NCAPH2: variants seen among roughly 807,000 people sequenced by gnomAD.
NCAPH2 encodes condensin-2 complex subunit H2.
NCAPH2 carries 56 observed loss-of-function variants against 88.6 expected under a neutral mutation model. That is an observed-to-expected ratio of 0.63 (90% CI 0.51 to 0.79). NCAPH2 has a LOEUF of 0.79. Ranked by LOEUF, NCAPH2 falls within the 30% of genes least tolerant of loss-of-function variation. The pLI is 0.00. For missense variants in NCAPH2, 794 were observed against 792.0 expected (o/e 1.00, Z -0.03); for synonymous variants, 378 against 313.6 (o/e 1.21, Z -2.17).
At chr22:50,513,608 A>G (rs1296847151) in intron 1 of NCAPH2, among the ~76,000 whole-genome samples, 1 of 152,256 alleles carries the variant, frequency 6.6e-6, no homozygotes. Context: ...AAAGTACAAA[A>G]AAAATTAGCC....
intron 5 of NCAPH2, 23 bp downstream of exon 5, chr22:50,517,832 T>G: frequency 6.2e-7 from 1 of 1,612,874 alleles, no homozygotes; most frequent in Non-Finnish European, 8.5e-7. Flanking sequence ...CTGGCCCCTC[T>G]TAGGCTGGGG....
At chr22:50,519,351 G>C in intron 9 of NCAPH2, 31 bp downstream of exon 9, 3 of 1,609,024 alleles carry the variant, frequency 1.9e-6, no homozygotes, top group Non-Finnish European at 2.5e-6. Flanking sequence ...TGCAGAACCT[G>C]AGCTGTGAAC....
Position 50,517,754 on chromosome 22 carries a change from AT to A in NCAPH2, c.366del (p.Asp122GlufsTer60), listed in dbSNP as rs1446695468. On this transcript the variant is annotated frameshift_variant, in exon 5 of 20. Coordinates refer to ENST00000420993, the MANE Select transcript of NCAPH2 (RefSeq NM_152299.4). LOFTEE classifies it high-confidence loss of function. ...QEAENEFLSL[D>X]DFPDSRTNVD... is the part of the protein sequence containing the mutation. ...GTCTCCCTCCAGTTCCTGTCGCTGG[AT>A]GACTTCCCTGACTCCCGGACTAACG... The A allele has an allele frequency of 6.2e-7, 1 of 1,613,970 alleles. No individual in the cohort carries two copies. The highest frequency in any genetic ancestry group is 1.7e-5 in the Admixed American group (1 of 60,024).
chr22:50,523,162 A>G lies in NCAPH2; in HGVS notation c.1673A>G (p.Gln558Arg). ...TGTCGTTCCATGCTGGCCTCCCTGC[A>G]GCTGGTGAGTAGCCTGGGATACGTG... ...EVCRSMLASL[Q>R]LANDYTVEIT... Residue 558 changes from glutamine (Q) to arginine (R), a missense_variant, in exon 19 of 20, where the codon CAG becomes CGG. Coordinates refer to ENST00000420993, the MANE Select transcript of NCAPH2 (RefSeq NM_152299.4). The G allele has an allele frequency of 6.2e-7, 1 of 1,613,618 alleles. No homozygotes were observed. Among genetic ancestry groups the G allele is most frequent in the Non-Finnish European group, 8.5e-7 (1 of 1,179,924 alleles).
intron 1 of NCAPH2, among the ~76,000 whole-genome samples, chr22:50,510,553 G>A (rs907471423): frequency 5.3e-5 from 8 of 152,002 alleles, no homozygotes; most frequent in Non-Finnish European, 4.4e-5. Context: ...TTGGCCTCCC[G>A]AGTAGCTGGG....
intron 8 of NCAPH2, 35 bp from the exon 9 acceptor site, chr22:50,519,155 C>T (rs1416755979): frequency 1.9e-6 from 3 of 1,567,576 alleles, no homozygotes; most frequent in East Asian, 4.5e-5. Flanking sequence ...TCTCGGCACT[C>T]CTTGGAGCTG....
Position 50,516,435 on chromosome 22 carries a change from T to C in NCAPH2, c.109-12T>C. Reference sequence around the variant, plus strand: ...CCTTGGATTCCCCCTGTCTTTGTGTTGTTTCTTGCAGCTGGATCAGATCTG... The same window carrying C: ...CCTTGGATTCCCCCTGTCTTTGTGTCGTTTCTTGCAGCTGGATCAGATCTG... On this transcript the variant is annotated splice_polypyrimidine_tract_variant and intron_variant, in intron 1 of 19. Transcript: ENST00000420993. 6.2e-7 allele frequency: 1 copy of C among 1,613,716 alleles called. No homozygotes were observed.
Position 50,516,538 on chromosome 22 carries a change from A to G in NCAPH2, c.200A>G (p.Tyr67Cys). Residue 67 changes from tyrosine to cysteine, a missense_variant, in exon 2 of 20, where the codon TAC becomes TGC. By Grantham distance (194) the Tyr-to-Cys change is radical. Around this residue, in one of 2 missense-constraint regions of NCAPH2, gnomAD observed 59 missense variants for 95.7 expected, o/e 0.62. Coordinates refer to ENST00000420993, the MANE Select transcript of NCAPH2 (RefSeq NM_152299.4). The stretch of plus-strand genomic sequence containing the variant: ...TTGATCCAGGGCTCTGCCTGCGTCT[A>G]CAGTAAGAAGGTGGGCCCTGCTTGA... ...ALLIQGSACV[Y>C]SKKVEYLYSL... 1 of 1,614,132 alleles carries G rather than the reference A, an allele frequency of 6.2e-7. No individual in the cohort carries two copies. Among genetic ancestry groups the G allele is most frequent in the Non-Finnish European group, 8.5e-7 (1 of 1,179,980 alleles).
In NCAPH2 at chr22:50,522,015, C is replaced by A. The variant is rs201104432; in HGVS notation, c.1138C>A (p.Arg380=). The A allele has an allele frequency of 2.5e-6, 4 of 1,613,904 alleles. No homozygotes were observed. The highest frequency in any genetic ancestry group is 2.2e-5 in the East Asian group (1 of 44,902). Reference sequence around the variant, plus strand: ...AGACCATGCCGACAGCAGGCGGCTTCGGCGAAAGGGTCCGTCCTTTGCAGG... The same window carrying A: ...AGACCATGCCGACAGCAGGCGGCTTAGGCGAAAGGGTCCGTCCTTTGCAGG... ...YADHADSRRL[R]RKGPSFADME... The change falls in exon 13 of 20, where the codon CGG becomes AGG. Residue 380 remains arginine (R), a synonymous_variant. Transcript: ENST00000420993.
rs2068854804 is a variant in NCAPH2 at position 50,514,083 on chromosome 22, G to C, written c.109-2364G>C. On this transcript the variant is annotated intron_variant, in intron 1 of 19. Coordinates refer to ENST00000420993, the MANE Select transcript of NCAPH2 (RefSeq NM_152299.4). Reference sequence around the variant, plus strand: ...GATTGCGCCCCTGCATTCCAGCTTGGGTGACAGAGTGAGACTCCGTCTCAA... The same window carrying C: ...GATTGCGCCCCTGCATTCCAGCTTGCGTGACAGAGTGAGACTCCGTCTCAA... 2.0e-5 allele frequency among the ~76,000 whole-genome samples: 3 copies of C among 152,152 alleles called. No homozygotes were observed. The South Asian group carries it at 6.2e-4, about 31-fold the overall frequency.
chr22:50,519,377 T>C (rs1314928374), intron 9 of NCAPH2, 57 bp downstream of exon 9: 2 of 1,599,712 alleles, frequency 1.3e-6, no homozygotes, highest in Admixed American at 3.4e-5. Flanking sequence ...ACCCTGGCTC[T>C]GGGGCCGAGT....
chr22:50,512,848 A>G (rs2068821732), intron 1 of NCAPH2, among the ~76,000 whole-genome samples: 1 of 152,038 alleles, frequency 6.6e-6, no homozygotes. Flanking sequence ...ACTGGCCAGA[A>G]TGTTCTTCTA....
In NCAPH2 at chr22:50,521,550, C is replaced by T. The variant is rs2069096957; in HGVS notation, c.941C>T (p.Pro314Leu). 3 of 1,613,576 alleles carry T rather than the reference C, an allele frequency of 1.9e-6. No homozygotes were observed. Among genetic ancestry groups the T allele is most frequent in the Non-Finnish European group, 2.5e-6 (3 of 1,179,992 alleles). ...CTTGTGCTCTGTGCCCAGGAGACTC[C>T]AGACCCCTGGCAGAGCCTGGACCCC... is the stretch of plus-strand genomic sequence containing the variant. ...PEPASCVKET[P>L]DPWQSLDPFD... is the part of the protein sequence containing the mutation. Residue 314 changes from proline to leucine, a missense_variant, in exon 11 of 20, where the codon CCA (proline) becomes CTA (leucine). Physicochemically the swap from Pro to Leu is moderately conservative, Grantham distance 98. This residue lies in a region of NCAPH2 where 735 missense variants were observed against 696.3 expected (regional missense o/e 1.06). Coordinates refer to ENST00000420993, the MANE Select transcript of NCAPH2 (RefSeq NM_152299.4).
Position 50,517,566 on chromosome 22 carries a change from T to TTC in NCAPH2, c.267-4_267-3dup. On this transcript the variant is annotated splice_polypyrimidine_tract_variant and intron_variant, in intron 3 of 19. Transcript: ENST00000420993. Reference sequence around the variant, plus strand: ...CTCCTGGGATGCCCACGGGATGTGCTTCTCTCTCAGGCGGGCCAAGCAGCT... The same window carrying TTC: ...CTCCTGGGATGCCCACGGGATGTGCTTCTCTCTCTCAGGCGGGCCAAGCAGCT... The TTC allele has an allele frequency of 6.2e-7, 1 of 1,614,036 alleles. No homozygotes were observed. Among genetic ancestry groups the TTC allele is most frequent in the Middle Eastern group, 1.6e-4 (1 of 6,062 alleles).
rs760956340 is a variant in NCAPH2, at chr22:50,508,302, C to T, written c.-36C>T. ...GGACGCCGTACCCCTCGGAAGGCAG[C>T]CCTGCGGTCCCTTTGCCGCCCGTTC... On this transcript the variant is annotated 5_prime_UTR_variant, in exon 1 of 20. Coordinates refer to ENST00000420993, the MANE Select transcript of NCAPH2 (RefSeq NM_152299.4). The T allele has an allele frequency of 2.1e-6, 3 of 1,436,282 alleles. No individual in the cohort carries two copies. Among genetic ancestry groups the T allele is most frequent in the African/African-American group, 3.0e-5 (2 of 66,616 alleles). The allele number at this position is 1,436,282 out of a possible 1,614,324, so 89.0% of individuals were successfully genotyped here.
chr22:50,521,931 C>T, intron 12 of NCAPH2, 55 bp from the exon 13 acceptor site: 2 of 1,613,658 alleles, frequency 1.2e-6, no homozygotes, highest in South Asian at 2.2e-5. Context: ...GCACCCTTTT[C>T]CCAATGCTGT....
Position 50,517,600 on chromosome 22 carries a change from T to A in NCAPH2, c.290T>A (p.Val97Glu). The A allele has an allele frequency of 6.2e-7, 1 of 1,614,082 alleles. No individual in the cohort carries two copies. Among genetic ancestry groups the A allele is most frequent in the Non-Finnish European group, 8.5e-7 (1 of 1,180,014 alleles). Residue 97 changes from valine (V) to glutamate (E), a missense_variant, in exon 4 of 20, where the codon GTG becomes GAG. Val to Glu is a moderately radical substitution (Grantham distance 121, BLOSUM62 -2). This residue lies in a region of NCAPH2 where 735 missense variants were observed against 696.3 expected (regional missense o/e 1.06). Transcript: ENST00000420993. ...AGGCGGGCCAAGCAGCTCTCTTCGG[T>A]GCAGGAGGACAGGGCCAATGGGGTT... ...GKRRAKQLSS[V>E]QEDRANGVAS...
chr22:50,516,430 T>C lies in NCAPH2; in HGVS notation c.109-17T>C, dbSNP rs2068925469. ...CTGGGCCTTGGATTCCCCCTGTCTT[T>C]GTGTTGTTTCTTGCAGCTGGATCAG... On this transcript the variant is annotated splice_polypyrimidine_tract_variant and intron_variant, in intron 1 of 19. Coordinates refer to ENST00000420993, the MANE Select transcript of NCAPH2 (RefSeq NM_152299.4). The C allele has an allele frequency of 6.2e-7, 1 of 1,613,324 alleles. No individual in the cohort carries two copies. Among genetic ancestry groups the C allele is most frequent in the Non-Finnish European group, 8.5e-7 (1 of 1,179,308 alleles).
intron 2 of NCAPH2, 58 bp from the exon 3 acceptor site, chr22:50,517,369 A>G: frequency 6.4e-7 from 1 of 1,573,816 alleles, no homozygotes; most frequent in Non-Finnish European, 8.7e-7. Context: ...ATAGCTGGGA[A>G]GGCCTTGGGG....
Sources: allele counts gnomAD v4.1 joint callset (sites outside exome capture counted in the v4.1 genomes callset), GRCh38; gene constraint gnomAD v4.1.1; regional missense constraint gnomAD v4.1.1; transcripts MANE v1.5; gene names NCBI Gene and HGNC (gene_info 2026-07-23, HGNC 2026-07-21).